Variants in TENM1 observed in about 807,000 individuals in gnomAD.
The protein encoded by TENM1 is teneurin-1.
A neutral mutation model predicts 174.8 loss-of-function variants in TENM1; 35 were observed. The observed-to-expected ratio is 0.20, with a 90% CI of 0.15 to 0.27. The LOEUF (loss-of-function observed/expected upper bound fraction) is 0.27. TENM1 is among the 10% of genes least tolerant of loss of function. The pLI is 1.00. For missense variants in TENM1, 1,633 were observed against 2,130.1 expected, an observed-to-expected ratio of 0.77 and a Z score of 4.59; for synonymous variants, 781 against 798.7, an observed-to-expected ratio of 0.98 and a Z score of 0.37.
chrX:125,003,277 G>C, the TENM1 span, among the ~76,000 whole-genome samples: 3 of 111,570 alleles, frequency 2.7e-5, no homozygotes, highest in Admixed American at 1.9e-4. Context: ...ATCTTAAAAA[G>C]TGAAATATGA....
rs59365041 is a variant in TENM1 at position 124,443,044 on chromosome X, A to ATGTGTGTGTGTG, written c.4104+10281_4104+10292dup. ...TGTAACTTTTCATGCCTGGATGACT[A>ATGTGTGTGTGTG]TGTGTGTGTGTGTGTGTGTGTGTGT... On this transcript the variant is annotated intron_variant, in intron 23 of 31. Transcript: ENST00000422452. 6.2e-3 allele frequency among the ~76,000 whole-genome samples: 320 copies of ATGTGTGTGTGTG among 51,934 alleles called. 6 individuals are homozygous for ATGTGTGTGTGTG. Among genetic ancestry groups the ATGTGTGTGTGTG allele is most frequent in the Non-Finnish European group, 6.9e-3 (206 of 29,895 alleles). The allele number at this position is 51,934 out of a possible 115,157, so 45.1% of individuals were successfully genotyped here. A position where few individuals can be genotyped will look rare whatever the true frequency, so the allele number is the denominator to read the frequency against.
intron 3 of TENM1, among the ~76,000 whole-genome samples, chrX:124,777,582 A>G (rs1225381268): frequency 1.8e-5 from 2 of 111,949 alleles, no homozygotes; most frequent in Admixed American, 1.9e-4. Context: ...TTCATTTTTC[A>G]TTCTCTGAAT....
At chrX:124,451,494 C>A (rs1192815552) in intron 23 of TENM1, among the ~76,000 whole-genome samples, 1 of 112,179 alleles carries the variant, frequency 8.9e-6, no homozygotes, top group African/African-American at 3.2e-5. Context: ...TTTCATTTGA[C>A]TTTCTTCACA....
chrX:124,713,607 TCTC>T (rs1291251180), intron 4 of TENM1, among the ~76,000 whole-genome samples: 1 of 112,363 alleles, frequency 8.9e-6, no homozygotes, highest in Non-Finnish European at 1.9e-5. Flanking sequence ...TATCATCCCT[TCTC>T]CTCTTTTATT....
the TENM1 span, among the ~76,000 whole-genome samples, chrX:125,136,718 T>C: frequency 8.9e-6 from 1 of 111,915 alleles, no homozygotes; most frequent in Non-Finnish European, 1.9e-5. Context: ...ATTGAAACTA[T>C]TTGAAATTAA....
exon 4 of TENM1, chrX:124,737,102 G>T (rs769474572): frequency 8.3e-7 from 1 of 1,211,002 alleles, no homozygotes; most frequent in Non-Finnish European, 1.1e-6. Flanking sequence ...TCCGCTGCAG[G>T]GGGTGGCTTC....
At chrX:125,138,553 C>T in the TENM1 span, among the ~76,000 whole-genome samples, 1 of 111,383 alleles carries the variant, frequency 9.0e-6, no homozygotes, top group Non-Finnish European at 1.9e-5. Flanking sequence ...GGATGGATCT[C>T]ACAAACATAA....
intron 6 of TENM1, among the ~76,000 whole-genome samples, chrX:124,663,043 C>T (rs1050561078): frequency 1.8e-5 from 2 of 111,763 alleles, no homozygotes; most frequent in Non-Finnish European, 3.8e-5. Context: ...CATTTTTGTT[C>T]CCTTGCTATT....
At chrX:124,617,832 C>T (rs1189866429) in intron 11 of TENM1, among the ~76,000 whole-genome samples, 2 of 110,757 alleles carry the variant, frequency 1.8e-5, no homozygotes, top group South Asian at 3.8e-4. Context: ...ACTGAGATTC[C>T]GGGACAAAGA....
chrX:125,166,233 A>C, the TENM1 span, among the ~76,000 whole-genome samples: 1 of 111,625 alleles, frequency 9.0e-6, no homozygotes, highest in Non-Finnish European at 1.9e-5. Context: ...TACAAAATTT[A>C]AGCATATAGT....
chrX:125,007,156 GA>G, the TENM1 span, among the ~76,000 whole-genome samples: 3 of 111,361 alleles, frequency 2.7e-5, no homozygotes, highest in Admixed American at 2.9e-4. Context: ...CTGCTAACTA[GA>G]AAAACCAGTT....
Position 124,514,406 on chromosome X carries a change from T to C in TENM1, c.3301+6111A>G, listed in dbSNP as rs185565710. 2.8e-4 allele frequency among the ~76,000 whole-genome samples: 31 copies of C among 110,838 alleles called. No homozygotes were observed. The South Asian group carries it at 0.01, about 36-fold the overall frequency. On this transcript the variant is annotated intron_variant, in intron 18 of 31. Coordinates refer to ENST00000422452, the Ensembl canonical transcript of TENM1. Reference sequence around the variant, plus strand: ...AAAAACTATTTAAAAGATCAAAAAATTCAGGTGTTGGTTTTTTGAAAAATT... The same window carrying C: ...AAAAACTATTTAAAAGATCAAAAAACTCAGGTGTTGGTTTTTTGAAAAATT...
intron 25 of TENM1, chrX:124,411,849 C>T (rs989756048): frequency 8.9e-6 from 1 of 111,993 alleles, no homozygotes; most frequent in Admixed American, 9.5e-5. Flanking sequence ...GACTGAGTGT[C>T]GAAGAAACAA....
At chrX:124,946,286 C>T (rs955143344) in intron 1 of TENM1, among the ~76,000 whole-genome samples, 1 of 111,870 alleles carries the variant, frequency 8.9e-6, no homozygotes, top group Non-Finnish European at 1.9e-5. Flanking sequence ...GTTTGAGATA[C>T]GTATCAGACA....
rs1381927338 is a variant in TENM1, at chrX:124,956,217, A to G, written c.217+7320T>C. On this transcript the variant is annotated intron_variant, in intron 1 of 31. Transcript: ENST00000422452. ...ATATACCACTATTATCACATCAATC[A>G]TATTGCATCACTATTGCTGATTGAC... Among the ~76,000 whole-genome samples, 6 of 111,935 alleles carry G rather than the reference A, an allele frequency of 5.4e-5. No individual in the cohort carries two copies. The East Asian group carries it at 1.7e-3, about 31-fold the overall frequency.
intron 16 of TENM1, among the ~76,000 whole-genome samples, 185 bp downstream of exon 19, chrX:124,529,679 A>G (rs1194072041): frequency 8.9e-6 from 1 of 111,975 alleles, no homozygotes; most frequent in African/African-American, 3.2e-5. Flanking sequence ...CTCGAGAAGG[A>G]TTAGAAGAGG....
At chrX:124,548,827 C>T (rs1282352456) in intron 14 of TENM1, among the ~76,000 whole-genome samples, 1 of 111,138 alleles carries the variant, frequency 9.0e-6, no homozygotes, top group African/African-American at 3.3e-5. Flanking sequence ...GCGAGGAACA[C>T]CAAGAGAGTA....
intron 3 of TENM1, among the ~76,000 whole-genome samples, chrX:124,768,918 G>A (rs1312836884): frequency 8.9e-6 from 1 of 111,992 alleles, no homozygotes; most frequent in Non-Finnish European, 1.9e-5. Context: ...TGGCTTTCCT[G>A]TGTTTTATTT....
At chrX:124,601,696 A>T (rs776874936) in intron 11 of TENM1, among the ~76,000 whole-genome samples, 1 of 110,611 alleles carries the variant, frequency 9.0e-6, no homozygotes, top group South Asian at 3.8e-4. Flanking sequence ...CAGTCTACCC[A>T]AACCGTATGA....
Sources: gnomAD v4.1 joint callset for allele counts (sites outside exome capture counted in the v4.1 genomes callset) on GRCh38, gnomAD v4.1.1 for gene constraint, MANE v1.5 for transcripts, NCBI Gene and HGNC (gene_info 2026-07-23, HGNC 2026-07-21) for gene names.